The following UBE2R2 variants were observed in gnomAD, a reference collection of about 807,000 sequenced individuals.
The protein encoded by UBE2R2 is ubiquitin-conjugating enzyme E2 R2.
Under a neutral mutation model 27.8 loss-of-function variants are expected in UBE2R2, and 1 was observed. That is an observed-to-expected ratio of 0.04 (90% CI 0.01 to 0.17). The LOEUF is 0.17. Among genes scored for constraint, UBE2R2 ranks in the 10% least tolerant of loss-of-function variants. The pLI, the probability that UBE2R2 is intolerant of heterozygous loss-of-function variation, is 1.00. For synonymous variants in UBE2R2, 106 were observed against 113.3 expected (o/e 0.94, Z 0.41); for missense variants, 100 against 291.0 (o/e 0.34, Z 4.78).
At chr9:33,885,535 A>G (rs1821836291) in intron 1 of UBE2R2, among the ~76,000 whole-genome samples, 1 of 152,224 alleles carries the variant, frequency 6.6e-6, no homozygotes, top group South Asian at 2.1e-4. Context: ...ACTTAATGAC[A>G]ATTCTCTGGG....
intron 3 of UBE2R2, among the ~76,000 whole-genome samples, chr9:33,909,640 C>T (rs944789895): frequency 6.6e-6 from 1 of 152,112 alleles, no homozygotes; most frequent in Admixed American, 6.5e-5. Context: ...AGGATGGTCT[C>T]GATCTCCTTA....
chr9:33,851,844 A>G (rs1820974541), intron 1 of UBE2R2, among the ~76,000 whole-genome samples: 1 of 152,172 alleles, frequency 6.6e-6, no homozygotes, highest in Non-Finnish European at 1.5e-5. Flanking sequence ...ACATTCACAT[A>G]AAGTGTGTTT....
intron 1 of UBE2R2, among the ~76,000 whole-genome samples, chr9:33,885,955 A>G (rs1001742943): frequency 1.3e-5 from 2 of 152,210 alleles, no homozygotes; most frequent in African/African-American, 4.8e-5. Flanking sequence ...ATAAGGAAAT[A>G]GTTTTATAAA....
chr9:33,917,352 C>CA lies in UBE2R2; in HGVS notation c.*116dup. 1 of 1,216,942 alleles carries CA rather than the reference C, an allele frequency of 8.2e-7. No homozygotes were observed. The highest frequency in any genetic ancestry group is 1.1e-6 in the Non-Finnish European group (1 of 878,890). The allele number at this position is 1,216,942 out of a possible 1,614,324, so 75.4% of individuals were successfully genotyped here. The stretch of plus-strand genomic sequence containing the variant: ...AACCTATTCACAGCGGGTGGGGAAA[C>CA]ACACACAGCTCCTGCTGACTCCCCT... On this transcript the variant is annotated 3_prime_UTR_variant, in exon 5 of 5. Transcript: ENST00000263228.
At chr9:33,901,629 T>C (rs903557206) in intron 3 of UBE2R2, among the ~76,000 whole-genome samples, 21 of 152,226 alleles carry the variant, frequency 1.4e-4, no homozygotes, top group African/African-American at 4.6e-4. Flanking sequence ...TCTCCAGGTT[T>C]ATCAAAAGTG....
At position 33,817,690 on chromosome 9, in the gene UBE2R2, G is replaced by C. The variant is rs1480171346; in HGVS notation, c.-68G>C. ...GAGGGCGAGCGGAGGGGAGGGGCCT[G>C]GTCCGGCCCGGCCGGTGCGTGAGGA... On this transcript the variant is annotated 5_prime_UTR_variant, in exon 1 of 5. Transcript: ENST00000263228. 19 of 1,295,550 alleles carry C rather than the reference G, an allele frequency of 1.5e-5. No individual in the cohort carries two copies. The highest frequency in any genetic ancestry group is 4.0e-5 in the South Asian group (2 of 49,494). 80.3% of individuals were successfully genotyped at this position (1,295,550 alleles called of 1,614,324 possible).
intron 1 of UBE2R2, among the ~76,000 whole-genome samples, chr9:33,865,629 C>T (rs949314345): frequency 1.3e-5 from 2 of 152,166 alleles, no homozygotes; most frequent in Non-Finnish European, 2.9e-5. Context: ...TTCATTAGCT[C>T]TCCATATTTC....
chr9:33,817,732 G>GCGCCGC lies in UBE2R2; in HGVS notation c.-7_-2dup, dbSNP rs541354260. On this transcript the variant is annotated 5_prime_UTR_variant, in exon 1 of 5. Transcript: ENST00000263228. ...GCGTGAGGACTGGGGCCCGGGCCCG[G>GCGCCGC]CGCCGCCGCCGCCGCCGCCGCCGCG... 2.8e-4 allele frequency: 417 copies of GCGCCGC among 1,489,160 alleles called. No individual in the cohort carries two copies. Among genetic ancestry groups the GCGCCGC allele is most frequent in the African/African-American group, 6.2e-4 (42 of 67,822 alleles). 92.2% of individuals were successfully genotyped at this position (1,489,160 alleles called of 1,614,324 possible).
intron 1 of UBE2R2, among the ~76,000 whole-genome samples, chr9:33,845,323 T>C (rs1324596524): frequency 6.6e-6 from 1 of 151,658 alleles, no homozygotes; most frequent in Non-Finnish European, 1.5e-5. Context: ...CTTGGCTCAC[T>C]GCAAGCTCCG....
chr9:33,877,825 C>CTGTCTGTCTGTCTCTCTT (rs760584943), intron 1 of UBE2R2, among the ~76,000 whole-genome samples: 1 of 143,638 alleles, frequency 7.0e-6, no homozygotes, highest in African/African-American at 2.7e-5. Flanking sequence ...GTCTGTCTGT[C>CTGTCTGTCTGTCTCTCTT]TCTCTCTCTC....
At chr9:33,895,202 G>T (rs1822073926) in intron 2 of UBE2R2, among the ~76,000 whole-genome samples, 1 of 152,142 alleles carries the variant, frequency 6.6e-6, no homozygotes, top group Admixed American at 6.5e-5. Flanking sequence ...CCAAGTCTTT[G>T]ATCTATTTTC....
intron 1 of UBE2R2, among the ~76,000 whole-genome samples, chr9:33,855,181 T>TA (rs1234752840): frequency 2.0e-5 from 3 of 152,228 alleles, no homozygotes; most frequent in African/African-American, 7.2e-5. Context: ...TAGCAGTACA[T>TA]ACTGCCCCTC....
chr9:33,888,080 A>G (rs1437098326), intron 2 of UBE2R2, among the ~76,000 whole-genome samples: 1 of 152,248 alleles, frequency 6.6e-6, no homozygotes, highest in Non-Finnish European at 1.5e-5. Context: ...CTGAAAGCAG[A>G]CATTGTATGA....
chr9:33,834,864 C>T (rs529196363), intron 1 of UBE2R2, among the ~76,000 whole-genome samples: 2 of 150,810 alleles, frequency 1.3e-5, no homozygotes, highest in East Asian at 2.0e-4. Context: ...AAGCCGAGAT[C>T]GTGCCGTTGC....
intron 1 of UBE2R2, among the ~76,000 whole-genome samples, chr9:33,843,513 A>G (rs1038347434): frequency 6.7e-5 from 10 of 149,994 alleles, no homozygotes; most frequent in Admixed American, 2.0e-4. Context: ...GAGTCTGGCT[A>G]TGTCTCCCAG....
At chr9:33,905,205 A>T (rs1250514998) in intron 3 of UBE2R2, among the ~76,000 whole-genome samples, 1 of 152,214 alleles carries the variant, frequency 6.6e-6, no homozygotes, top group African/African-American at 2.4e-5. Flanking sequence ...TAAAGCGTGA[A>T]ACCAAATTTA....
intron 4 of UBE2R2, among the ~76,000 whole-genome samples, chr9:33,912,459 A>C (rs1396023753): frequency 2.0e-5 from 3 of 152,042 alleles, no homozygotes; most frequent in East Asian, 3.9e-4. Flanking sequence ...CCCTGTCTCT[A>C]CTAAAAATAC....
chr9:33,914,802 C>G (rs1464796632), intron 4 of UBE2R2, among the ~76,000 whole-genome samples: 3 of 150,830 alleles, frequency 2.0e-5, no homozygotes, highest in African/African-American at 7.3e-5. Context: ...GCACTCCAGC[C>G]TGGGAAACAA....
chr9:33,907,476 T>C (rs1222920300), intron 3 of UBE2R2, among the ~76,000 whole-genome samples: 1 of 152,206 alleles, frequency 6.6e-6, no homozygotes, highest in African/African-American at 2.4e-5. Context: ...AAGAACTCTC[T>C]GGCCCTCATT....
Sources: gnomAD v4.1 joint callset for allele counts (sites outside exome capture counted in the v4.1 genomes callset) on GRCh38, gnomAD v4.1.1 for gene constraint, MANE v1.5 for transcripts, NCBI Gene and HGNC (gene_info 2026-07-23, HGNC 2026-07-21) for gene names.